Variants in TBCK observed in about 807,000 individuals in gnomAD.
TBCK encodes the protein TBC1 domain containing kinase.
A neutral mutation model predicts 113.4 loss-of-function variants in TBCK; 99 were observed. The observed-to-expected ratio is 0.87, with a 90% CI of 0.74 to 1.03. The LOEUF is 1.03. TBCK is among the 50% of genes least tolerant of loss of function. The probability of loss-of-function intolerance (pLI) is 0.00; values close to 1 mark genes in which losing one functional copy is unlikely to be tolerated. For synonymous variants in TBCK, 369 were observed against 370.8 expected (o/e 1.00, Z 0.05); for missense variants, 1,045 against 1,061.3 (o/e 0.98, Z 0.21).
chr4:106,061,667 A>AGT (rs61139916), intron 25 of TBCK, among the ~76,000 whole-genome samples: 7,026 of 148,356 alleles, frequency 0.047, 458 homozygotes, highest in African/African-American at 0.15. Flanking sequence ...TGTTTCTGTG[A>AGT]GTGTGTGTGT....
At chr4:106,276,942 C>T (rs1764091666) in intron 3 of TBCK, among the ~76,000 whole-genome samples, 2 of 151,352 alleles carry the variant, frequency 1.3e-5, no homozygotes, top group Non-Finnish European at 2.9e-5. Flanking sequence ...AAAATATTTG[C>T]AAAAAAATCT....
intron 19 of TBCK, 35 bp downstream of exon 19, chr4:106,230,328 T>C (rs764153776): frequency 2.6e-5 from 36 of 1,406,926 alleles, no homozygotes; most frequent in Non-Finnish European, 3.2e-5. Context: ...CATCAGTAGT[T>C]TCTCTGTAGA....
chr4:106,060,383 C>T (rs541260481), intron 25 of TBCK, among the ~76,000 whole-genome samples: 1 of 151,808 alleles, frequency 6.6e-6, no homozygotes, highest in South Asian at 2.1e-4. Flanking sequence ...CTGACCATTC[C>T]AAAATCCTAG....
chr4:106,185,915 T>C (rs540586515), intron 22 of TBCK, among the ~76,000 whole-genome samples: 1 of 152,248 alleles, frequency 6.6e-6, no homozygotes, highest in East Asian at 1.9e-4. Flanking sequence ...CTGGTGTCTA[T>C]TGTTCTCTTC....
chr4:106,109,104 A>G (rs1742528019), intron 24 of TBCK, among the ~76,000 whole-genome samples: 2 of 151,986 alleles, frequency 1.3e-5, no homozygotes, highest in African/African-American at 4.8e-5. Flanking sequence ...GAGAATTACA[A>G]AACACTACTC....
intron 5 of TBCK, among the ~76,000 whole-genome samples, chr4:106,257,097 T>C (rs12504721): frequency 0.13 from 19,685 of 152,086 alleles, 1,609 homozygotes; most frequent in South Asian, 0.24. Context: ...CAAACAACAA[T>C]TTAAGAAGCA....
intron 2 of TBCK, among the ~76,000 whole-genome samples, chr4:106,299,870 C>G (rs1472613530): frequency 6.6e-6 from 1 of 152,168 alleles, no homozygotes; most frequent in Non-Finnish European, 1.5e-5. Flanking sequence ...GTGAAATAGT[C>G]TTACTTCTAA....
chr4:106,237,453 C>T (rs1298792444), intron 12 of TBCK: 1 of 454,722 alleles, frequency 2.2e-6, no homozygotes, highest in Non-Finnish European at 4.4e-6. Context: ...ATGTTAACCA[C>T]ATCCTAAGCA....
chr4:106,311,407 A>G (rs780222724), intron 1 of TBCK, among the ~76,000 whole-genome samples: 1 of 152,198 alleles, frequency 6.6e-6, no homozygotes, highest in Non-Finnish European at 1.5e-5. Flanking sequence ...GCCATATTTA[A>G]TAGCATAGAT....
intron 24 of TBCK, among the ~76,000 whole-genome samples, chr4:106,104,091 A>AT (rs1228637131): frequency 6.6e-6 from 1 of 152,218 alleles, no homozygotes; most frequent in African/African-American, 2.4e-5. Context: ...CTGCTCAGGC[A>AT]TAGGTGGAGA....
rs573876630 is a variant in TBCK at position 106,229,877 on chromosome 4, C to T, written c.1774+486G>A. Among the ~76,000 whole-genome samples, 9 of 151,936 alleles carry T rather than the reference C, an allele frequency of 5.9e-5. No homozygotes were observed. In the East Asian group the frequency reaches 9.6e-4, roughly 16 times the overall value. On this transcript the variant is annotated intron_variant, in intron 19 of 25. Transcript: ENST00000394708. The stretch of plus-strand genomic sequence containing the variant: ...AAGTTGTCCTGAATGAATTCACAAA[C>T]AGGTTACGCTATGACATGAACTCTT...
At chr4:106,099,219 A>T (rs899990810) in intron 24 of TBCK, among the ~76,000 whole-genome samples, 1 of 152,142 alleles carries the variant, frequency 6.6e-6, no homozygotes, top group South Asian at 2.1e-4. Flanking sequence ...TTACAAAAAG[A>T]TTTGAAAATT....
intron 25 of TBCK, among the ~76,000 whole-genome samples, chr4:106,087,498 C>CA (rs1739645034): frequency 6.6e-6 from 1 of 152,170 alleles, no homozygotes; most frequent in Admixed American, 6.5e-5. Context: ...TGAAAATGGC[C>CA]ATACTGCCCA....
chr4:106,045,235 T>G lies in TBCK; in HGVS notation c.*1335A>C, dbSNP rs1482470121. ...CACTATGACCAGCTAATTTTTATAT[T>G]TTTAGTAGAGACAAAGTTTCCCCAT... On this transcript the variant is annotated 3_prime_UTR_variant, in exon 26 of 26. Coordinates refer to ENST00000394708, the MANE Select transcript of TBCK (RefSeq NM_001163435.3). The G allele has an allele frequency of 1.3e-5, 2 of 152,068 alleles. No homozygotes were observed. Among genetic ancestry groups the G allele is most frequent in the African/African-American group, 4.8e-5 (2 of 41,386 alleles). 9.4% of individuals were successfully genotyped at this position (152,068 alleles called of 1,614,324 possible). A position where few individuals can be genotyped will look rare whatever the true frequency, so the allele number is the denominator to read the frequency against.
chr4:106,262,601 A>G (rs898675761), intron 3 of TBCK, among the ~76,000 whole-genome samples: 4 of 152,090 alleles, frequency 2.6e-5, no homozygotes, highest in Admixed American at 6.6e-5. Flanking sequence ...TCAATACAAA[A>G]TACCTAAGCC....
In TBCK at chr4:106,248,319, G is replaced by A. The variant is rs746550720; in HGVS notation, c.721-13C>T. Reference sequence around the variant, plus strand: ...TTTCAGGAAGCTCCTGGTAAATAAAGAGAGAAAATAATTAATTAAAATGAT... The same window carrying A: ...TTTCAGGAAGCTCCTGGTAAATAAAAAGAGAAAATAATTAATTAAAATGAT... On this transcript the variant is annotated splice_polypyrimidine_tract_variant and intron_variant, in intron 8 of 25. Transcript: ENST00000394708. 3.1e-5 allele frequency: 47 copies of A among 1,534,584 alleles called. 1 individual carries two copies. In the South Asian group the frequency reaches 3.5e-4, roughly 12 times the overall value.
chr4:106,230,101 G>A (rs12644259), intron 19 of TBCK, among the ~76,000 whole-genome samples: 20,574 of 151,834 alleles, frequency 0.14, 1,654 homozygotes, highest in South Asian at 0.24. Context: ...AAACACAAAC[G>A]GCAGTCTCTT....
At chr4:106,092,660 T>C (rs549509067) in intron 25 of TBCK, among the ~76,000 whole-genome samples, 7 of 152,202 alleles carry the variant, frequency 4.6e-5, no homozygotes, top group Admixed American at 1.3e-4. Flanking sequence ...AGCCCCTCAC[T>C]GCCCAGAGCC....
At chr4:106,232,608 C>T (rs1177785008) in intron 17 of TBCK, among the ~76,000 whole-genome samples, 4 of 151,848 alleles carry the variant, frequency 2.6e-5, no homozygotes, top group African/African-American at 7.2e-5. Context: ...AAATCATTAA[C>T]TATAAGAATC....
Sources: gnomAD v4.1 joint callset for allele counts (sites outside exome capture counted in the v4.1 genomes callset) on GRCh38, gnomAD v4.1.1 for gene constraint, MANE v1.5 for transcripts, NCBI Gene and HGNC (gene_info 2026-07-23, HGNC 2026-07-21) for gene names.